The following MINAR2 variants were observed in gnomAD, a reference collection of about 807,000 sequenced individuals.
MINAR2 encodes the protein major intrinsically disordered NOTCH2-binding receptor 1-like.
In MINAR2, 21 loss-of-function variants were observed where a neutral mutation model predicts 16.1. That is an observed-to-expected ratio of 1.31 (90% confidence interval 0.93 to 1.88). The LOEUF (loss-of-function observed/expected upper bound fraction) is 1.88. Ranked by LOEUF, MINAR2 falls within the 40% of genes most tolerant of loss-of-function variation. The pLI is 0.00. For synonymous variants in MINAR2, 86 were observed against 83.0 expected (o/e 1.04, Z -0.20); for missense variants, 259 against 229.8 (o/e 1.13, Z -0.82).
intron 2 of MINAR2, 85 bp downstream of exon 2, chr5:129,760,690 G>A: frequency 9.6e-7 from 1 of 1,037,096 alleles, no homozygotes; most frequent in Non-Finnish European, 1.4e-6. Context: ...TGAAGTGACA[G>A]GTACTCTTCA....
intron 1 of MINAR2, among the ~76,000 whole-genome samples, chr5:129,758,581 GTGTACTTTTTTTC>G (rs1270214845): frequency 6.6e-6 from 1 of 151,866 alleles, no homozygotes; most frequent in Non-Finnish European, 1.5e-5. Flanking sequence ...GTAATAGAGT[GTGTACTTTTTTTC>G]TTGATCTCCC....
chr5:129,748,486 GT>G (rs1463927973), intron 1 of MINAR2, 131 bp downstream of exon 1: 2 of 848,454 alleles, frequency 2.4e-6, no homozygotes, highest in Non-Finnish European at 3.4e-6. Flanking sequence ...TTCCAACTTA[GT>G]CTTTCTCTCT....
intron 1 of MINAR2, among the ~76,000 whole-genome samples, chr5:129,751,725 A>C (rs1757987304): frequency 6.6e-6 from 1 of 152,200 alleles, no homozygotes; most frequent in African/African-American, 2.4e-5. Flanking sequence ...AGAAACATTC[A>C]CCAAAATCTA....
intron 1 of MINAR2, among the ~76,000 whole-genome samples, chr5:129,758,097 GT>G (rs1758078932): frequency 6.6e-6 from 1 of 151,872 alleles, no homozygotes; most frequent in Non-Finnish European, 1.5e-5. Context: ...AATGAATAAA[GT>G]TATGCTTAAT....
At chr5:129,757,299 C>T (rs1031578329) in intron 1 of MINAR2, among the ~76,000 whole-genome samples, 5 of 151,950 alleles carry the variant, frequency 3.3e-5, no homozygotes, top group African/African-American at 1.2e-4. Flanking sequence ...CAGATATCCT[C>T]TGTGCTTAGG....
chr5:129,748,640 A>C lies in MINAR2; in HGVS notation c.165+285A>C, dbSNP rs147954902. Among the ~76,000 whole-genome samples the C allele has an allele frequency of 5.5e-3, 834 of 152,158 alleles. 9 individuals carry two copies. The highest frequency in any genetic ancestry group is 0.019 in the African/African-American group (792 of 41,516). ...CCCTCATTTACTCCTTCCCTTCAAA[A>C]ATTTTCAAACTAATTGTTATATGCA... is the stretch of plus-strand genomic sequence containing the variant. On this transcript the variant is annotated intron_variant, in intron 1 of 2. Transcript: ENST00000564719.
intron 1 of MINAR2, among the ~76,000 whole-genome samples, chr5:129,754,398 G>A (rs1015968101): frequency 1.3e-5 from 2 of 152,182 alleles, no homozygotes; most frequent in Non-Finnish European, 2.9e-5. Flanking sequence ...CTGAGAAAGT[G>A]TATGTGCTGA....
intron 1 of MINAR2, 103 bp downstream of exon 1, chr5:129,748,458 C>A: frequency 8.5e-7 from 1 of 1,171,954 alleles, no homozygotes; most frequent in Non-Finnish European, 1.2e-6. Context: ...GAACAGAGTA[C>A]AAGGTAGCTG....
chr5:129,760,687 AC>A lies in MINAR2; in HGVS notation c.393+83del. On this transcript the variant is annotated intron_variant, in intron 2 of 2. Transcript: ENST00000564719. ...CCTAAAAGAAAGCAATATTGAAGTG[AC>A]AGGTACTCTTCACTAGGCGCAGAAT... The A allele has an allele frequency of 4.7e-6, 5 of 1,072,232 alleles. No homozygotes were observed. In the South Asian group the frequency reaches 7.8e-5, roughly 17 times the overall value. 66.4% of individuals were successfully genotyped at this position (1,072,232 alleles called of 1,614,324 possible).
At position 129,765,162 on chromosome 5, in the gene MINAR2, A is replaced by C; in HGVS notation, c.*99A>C. The C allele has an allele frequency of 1.7e-6, 1 of 601,276 alleles. No individual in the cohort carries two copies. Among genetic ancestry groups the C allele is most frequent in the Non-Finnish European group, 2.5e-6 (1 of 404,548 alleles). The allele number at this position is 601,276 out of a possible 1,614,324, so 37.2% of individuals were successfully genotyped here. On this transcript the variant is annotated 3_prime_UTR_variant, in exon 3 of 3. Transcript: ENST00000564719. ...CAAAATAACAAAAAAACACATGTAC[A>C]TGCAGTGTGAATGGATTGTTGATTG...
Position 129,764,643 on chromosome 5 carries a change from T to C in MINAR2, c.394-241T>C, listed in dbSNP as rs527430758. On this transcript the variant is annotated intron_variant, in intron 2 of 2. Coordinates refer to ENST00000564719, the MANE Select transcript of MINAR2 (RefSeq NM_001257308.2). Reference sequence around the variant, plus strand: ...ATGAAGGCCTCCTAATTAATTCTGATGCAGACCTACAAATTGGAATTGCAG... The same window carrying C: ...ATGAAGGCCTCCTAATTAATTCTGACGCAGACCTACAAATTGGAATTGCAG... Among the ~76,000 whole-genome samples the C allele has an allele frequency of 5.3e-5, 8 of 152,320 alleles. No individual in the cohort carries two copies. The South Asian group carries it at 6.2e-4, about 12-fold the overall frequency.
chr5:129,759,066 C>G (rs1758092118), intron 1 of MINAR2, among the ~76,000 whole-genome samples: 1 of 151,706 alleles, frequency 6.6e-6, no homozygotes, highest in African/African-American at 2.4e-5. Flanking sequence ...GATTTTTTTT[C>G]CTGCTAGCCA....
chr5:129,751,278 G>A (rs1044139686), intron 1 of MINAR2, among the ~76,000 whole-genome samples: 1 of 151,682 alleles, frequency 6.6e-6, no homozygotes, highest in Non-Finnish European at 1.5e-5. Context: ...GCACAATCTC[G>A]GTTCACTACA....
intron 1 of MINAR2, among the ~76,000 whole-genome samples, chr5:129,749,287 A>G (rs1419035692): frequency 6.6e-6 from 1 of 152,144 alleles, no homozygotes; most frequent in Non-Finnish European, 1.5e-5. Flanking sequence ...TTTTCTTTTA[A>G]GAACAGTTGC....
chr5:129,765,121 T>G lies in MINAR2; in HGVS notation c.*58T>G, dbSNP rs1215176303. The G allele has an allele frequency of 3.8e-6, 4 of 1,046,408 alleles. No homozygotes were observed. In the African/African-American group the frequency reaches 5.2e-5, roughly 14 times the overall value. The allele number at this position is 1,046,408 out of a possible 1,614,324, so 64.8% of individuals were successfully genotyped here. Reference sequence around the variant, plus strand: ...TCCTAAAAATTTTTCTGATAAACATTTGAAACCCCCCCCACCAAAATAACA... The same window carrying G: ...TCCTAAAAATTTTTCTGATAAACATGTGAAACCCCCCCCACCAAAATAACA... On this transcript the variant is annotated 3_prime_UTR_variant, in exon 3 of 3. Coordinates refer to ENST00000564719, the MANE Select transcript of MINAR2 (RefSeq NM_001257308.2).
In MINAR2 at chr5:129,764,965, C is replaced by T; in HGVS notation, c.475C>T (p.Gln159Ter). Residue 159 changes from glutamine to a stop codon, truncating the protein, a stop_gained, in exon 3 of 3, where the codon CAA becomes TAA. Transcript: ENST00000564719. LOFTEE classifies it high-confidence loss of function. ...FDTLLKKEEK[Q>*]EKHSKFCRMG... is the part of the protein sequence containing the mutation. ...CACTTTATTGAAAAAGGAAGAGAAA[C>T]AAGAGAAGCATTCAAAATTCTGTCG... 1 of 1,409,090 alleles carries T rather than the reference C, an allele frequency of 7.1e-7. No individual in the cohort carries two copies. Among genetic ancestry groups the T allele is most frequent in the Non-Finnish European group, 9.3e-7 (1 of 1,079,884 alleles). The allele number at this position is 1,409,090 out of a possible 1,614,324, so 87.3% of individuals were successfully genotyped here.
In MINAR2 at chr5:129,760,582, A is replaced by G. The variant is rs1033356338; in HGVS notation, c.370A>G (p.Thr124Ala). ...GGAATATGACAAACATTCCCTGCAC[A>G]CAAACCTCTCTGGACATCTGAAGGT... is the stretch of plus-strand genomic sequence containing the variant. ...IEEYDKHSLH[T>A]NLSGHLKENP... The change falls in exon 2 of 3, where the codon ACA (threonine) becomes GCA (alanine). Residue 124 changes from threonine (T) to alanine (A), a missense_variant. Coordinates refer to ENST00000564719, the MANE Select transcript of MINAR2 (RefSeq NM_001257308.2). 1 of 1,535,266 alleles carries G rather than the reference A, an allele frequency of 6.5e-7. No homozygotes were observed. Among genetic ancestry groups the G allele is most frequent in the African/African-American group, 1.4e-5 (1 of 72,992 alleles).
At chr5:129,759,778 A>G (rs1464009840) in intron 1 of MINAR2, among the ~76,000 whole-genome samples, 2 of 151,930 alleles carry the variant, frequency 1.3e-5, no homozygotes, top group East Asian at 3.9e-4. Flanking sequence ...TTATGCTTCA[A>G]TTTGAAAAGT....
chr5:129,758,680 G>A (rs1373349428), intron 1 of MINAR2, among the ~76,000 whole-genome samples: 1 of 151,700 alleles, frequency 6.6e-6, no homozygotes, highest in African/African-American at 2.4e-5. Context: ...ATCTGACAAA[G>A]CCAATTTGTC....
Sources: gnomAD v4.1 joint callset for allele counts (sites outside exome capture counted in the v4.1 genomes callset) on GRCh38, gnomAD v4.1.1 for gene constraint, MANE v1.5 for transcripts, NCBI Gene and HGNC (gene_info 2026-07-23, HGNC 2026-07-21) for gene names.